SCTR: variants seen among roughly 807,000 people sequenced by gnomAD.
The protein encoded by SCTR is pancreatic secretin receptor.
SCTR carries 56 observed loss-of-function variants against 60.8 expected under a neutral mutation model. The ratio of observed to expected loss-of-function variants is 0.92; its 90% CI spans 0.74 to 1.15. The LOEUF is 1.15. Ranked by LOEUF, SCTR falls within the 50% of genes most tolerant of loss-of-function variation. The probability of loss-of-function intolerance (pLI) is 0.00; values close to 1 mark genes in which losing one functional copy is unlikely to be tolerated. For synonymous variants in SCTR, 202 were observed against 217.0 expected (o/e 0.93, Z 0.61); for missense variants, 562 against 550.4 (o/e 1.02, Z -0.21).
chr2:119,446,583 T>G (rs1320215297), intron 11 of SCTR, among the ~76,000 whole-genome samples, 176 bp downstream of exon 11: 1 of 152,174 alleles, frequency 6.6e-6, no homozygotes, highest in South Asian at 2.1e-4. Context: ...CCCATTTGAC[T>G]GGTGGGGACC....
chr2:119,491,755 C>T (rs540637273), intron 2 of SCTR, among the ~76,000 whole-genome samples: 1 of 152,322 alleles, frequency 6.6e-6, no homozygotes, highest in East Asian at 1.9e-4. Context: ...AGGTGATCCA[C>T]CTGCCTCGGC....
intron 11 of SCTR, among the ~76,000 whole-genome samples, chr2:119,444,370 T>TATATACGTATGAATATATATACAC (rs1558831090): frequency 1.9e-4 from 26 of 139,804 alleles, no homozygotes; most frequent in African/African-American, 5.8e-4. Context: ...TATATACACA[T>TATATACGTATGAATATATATACAC]ATATACGTAT....
intron 1 of SCTR, among the ~76,000 whole-genome samples, chr2:119,519,154 G>C (rs903100433): frequency 2.6e-5 from 4 of 152,142 alleles, no homozygotes; most frequent in Admixed American, 6.5e-5. Context: ...AGTAAAGACA[G>C]GGTTTCTCCA....
At position 119,441,559 on chromosome 2, in the gene SCTR, TC is replaced by T. The variant is rs781069039; in HGVS notation, c.1180del (p.Glu394ArgfsTer86). On this transcript the variant is annotated frameshift_variant and splice_region_variant, in exon 12 of 13. Coordinates refer to ENST00000019103, the MANE Select transcript of SCTR (RefSeq NM_002980.3). LOFTEE classifies it high-confidence loss of function. ...VAVLYCFLNG[E>X]VQLEVQKKWQ... ...CCTGGGTGACCCAAGACTACTCACC[TC>T]CCCATTGAGGAAGCAGTAGAGGACG... is the stretch of plus-strand genomic sequence containing the variant. 33 of 1,611,910 alleles carry T rather than the reference TC, an allele frequency of 2.0e-5. No individual in the cohort carries two copies. Among genetic ancestry groups the T allele is most frequent in the Admixed American group, 3.3e-5 (2 of 59,924 alleles).
chr2:119,447,129 A>C (rs1449070730), intron 10 of SCTR, among the ~76,000 whole-genome samples: 1 of 151,936 alleles, frequency 6.6e-6, no homozygotes, highest in Non-Finnish European at 1.5e-5. Context: ...CACCTCCATC[A>C]GTAAAAAGAA....
At chr2:119,465,739 T>C in intron 5 of SCTR, 50 bp downstream of exon 5, 1 of 1,280,568 alleles carries the variant, frequency 7.8e-7, no homozygotes, top group Non-Finnish European at 1.1e-6. Context: ...AGACCCAAAG[T>C]CTGTACCTGA....
At chr2:119,458,323 C>T (rs1234185651) in intron 7 of SCTR, among the ~76,000 whole-genome samples, 1 of 137,612 alleles carries the variant, frequency 7.3e-6, no homozygotes, top group Non-Finnish European at 1.6e-5. Context: ...AAAAAAAAGC[C>T]GGGCGTGGTG....
intron 1 of SCTR, among the ~76,000 whole-genome samples, chr2:119,520,841 A>G (rs1379842141): frequency 2.6e-5 from 4 of 152,116 alleles, no homozygotes; most frequent in Admixed American, 1.3e-4. Context: ...CCCAAACCCA[A>G]TGTGAAATGA....
intron 4 of SCTR, among the ~76,000 whole-genome samples, chr2:119,466,599 A>T (rs1181384416): frequency 1.3e-5 from 2 of 152,148 alleles, no homozygotes; most frequent in African/African-American, 4.8e-5. Flanking sequence ...AAAAAATTTT[A>T]AAATTAGCCA....
chr2:119,497,086 C>A (rs115655558), intron 1 of SCTR, among the ~76,000 whole-genome samples: 3 of 152,212 alleles, frequency 2.0e-5, no homozygotes, highest in Non-Finnish European at 2.9e-5. Context: ...AGGTCCTCCT[C>A]TTCATGTCTT....
chr2:119,473,558 T>C lies in SCTR; in HGVS notation c.302-2A>G, dbSNP rs773214266. ...GTGTGCAGTTTCGGAACAAGGAACC[T>C]GTGGGTGCCAAGAGTCCTGTAGGTG... On this transcript the variant is annotated splice_acceptor_variant, in intron 3 of 12. Transcript: ENST00000019103. LOFTEE classifies it high-confidence loss of function. 1.9e-6 allele frequency: 3 copies of C among 1,608,110 alleles called. No individual in the cohort carries two copies. Among genetic ancestry groups the C allele is most frequent in the Non-Finnish European group, 1.7e-6 (2 of 1,174,654 alleles).
At chr2:119,470,907 G>A (rs1040128264) in intron 4 of SCTR, among the ~76,000 whole-genome samples, 3 of 152,182 alleles carry the variant, frequency 2.0e-5, no homozygotes, top group Admixed American at 1.3e-4. Context: ...CGCCATGTTG[G>A]CCAAGCTGGT....
At chr2:119,505,000 C>G (rs1008270446) in intron 1 of SCTR, among the ~76,000 whole-genome samples, 1 of 152,020 alleles carries the variant, frequency 6.6e-6, no homozygotes, top group East Asian at 1.9e-4. Flanking sequence ...ACACCAGTTA[C>G]AATGGCGATC....
intron 1 of SCTR, among the ~76,000 whole-genome samples, chr2:119,509,544 A>G (rs911785303): frequency 4.6e-5 from 7 of 152,218 alleles, no homozygotes; most frequent in Non-Finnish European, 7.3e-5. Context: ...AGCCCTGTGC[A>G]AGAAGAGTTC....
intron 2 of SCTR, chr2:119,487,305 C>A (rs1677911790): frequency 6.6e-6 from 1 of 152,196 alleles, no homozygotes; most frequent in African/African-American, 2.4e-5. Context: ...TAATTTAACG[C>A]TATGTGAATT....
chr2:119,441,304 C>T (rs1477678854), intron 12 of SCTR, among the ~76,000 whole-genome samples: 1 of 152,222 alleles, frequency 6.6e-6, no homozygotes, highest in Non-Finnish European at 1.5e-5. Flanking sequence ...AGACCCCAGT[C>T]CAGACCTACA....
At chr2:119,483,537 C>T (rs1677729121) in intron 2 of SCTR, among the ~76,000 whole-genome samples, 1 of 152,188 alleles carries the variant, frequency 6.6e-6, no homozygotes, top group Non-Finnish European at 1.5e-5. Flanking sequence ...AGCGTCTGGG[C>T]ACAGAAGGCA....
Position 119,478,319 on chromosome 2 carries a change from C to T in SCTR, c.301+492G>A, listed in dbSNP as rs114951147. 2.3e-3 allele frequency among the ~76,000 whole-genome samples: 355 copies of T among 152,270 alleles called. 1 individual carries two copies. The highest frequency in any genetic ancestry group is 7.9e-3 in the Admixed American group (121 of 15,302). On this transcript the variant is annotated intron_variant, in intron 3 of 12. Coordinates refer to ENST00000019103, the MANE Select transcript of SCTR (RefSeq NM_002980.3). ...AGTCAACTAGGAAAATTCTTAAATC[C>T]GCAGCTGTCTTCTGGTAAGACAACC...
intron 2 of SCTR, among the ~76,000 whole-genome samples, chr2:119,490,462 G>C (rs1000761700): frequency 6.6e-6 from 1 of 152,190 alleles, no homozygotes; most frequent in Admixed American, 6.5e-5. Flanking sequence ...CTCACCTGCC[G>C]CCTATGCGGA....
Sources: allele counts gnomAD v4.1 joint callset (sites outside exome capture counted in the v4.1 genomes callset), GRCh38; gene constraint gnomAD v4.1.1; transcripts MANE v1.5; gene names NCBI Gene and HGNC (gene_info 2026-07-23, HGNC 2026-07-21).